RALYL: variants seen among roughly 807,000 people sequenced by gnomAD.
The protein encoded by RALYL is RNA-binding Raly-like protein.
Under a neutral mutation model 35.1 loss-of-function variants are expected in RALYL, and 29 were observed. That is an observed-to-expected ratio of 0.83 (90% CI 0.61 to 1.13). The LOEUF (loss-of-function observed/expected upper bound fraction) is 1.13. Ranked by LOEUF, RALYL falls within the 50% of genes most tolerant of loss-of-function variation. The pLI is 0.00. For missense variants in RALYL, 359 were observed against 360.4 expected (o/e 1.00, Z 0.03); for synonymous variants, 120 against 127.6 (o/e 0.94, Z 0.40).
chr8:84,640,405 C>A (rs182703560), intron 2 of RALYL, among the ~76,000 whole-genome samples: 59 of 151,930 alleles, frequency 3.9e-4, no homozygotes, highest in African/African-American at 1.3e-3. Flanking sequence ...TTTACATAAC[C>A]TGAAAATTAA....
At chr8:84,389,195 G>T (rs1401873606) in intron 1 of RALYL, among the ~76,000 whole-genome samples, 1 of 152,062 alleles carries the variant, frequency 6.6e-6, no homozygotes, top group African/African-American at 2.4e-5. Flanking sequence ...CTGTTCCATT[G>T]ATCTATATCT....
At chr8:84,839,115 G>A (rs1195250456) in intron 4 of RALYL, among the ~76,000 whole-genome samples, 1 of 152,234 alleles carries the variant, frequency 6.6e-6, no homozygotes, top group South Asian at 2.1e-4. Context: ...GTGTCAGAAA[G>A]TGGGTGCAGG....
chr8:84,731,403 C>T (rs574596868), intron 2 of RALYL, among the ~76,000 whole-genome samples: 3 of 152,172 alleles, frequency 2.0e-5, no homozygotes, highest in African/African-American at 4.8e-5. Context: ...AAAAATCTTC[C>T]TCTATTTTGG....
chr8:84,896,803 A>G (rs1233248225), intron 8 of RALYL, among the ~76,000 whole-genome samples: 1 of 152,240 alleles, frequency 6.6e-6, no homozygotes, highest in Non-Finnish European at 1.5e-5. Flanking sequence ...TTACCTGTAC[A>G]TAAGAGAGAA....
chr8:84,455,602 T>C (rs1260612000), intron 1 of RALYL, among the ~76,000 whole-genome samples: 1 of 152,014 alleles, frequency 6.6e-6, no homozygotes, highest in Non-Finnish European at 1.5e-5. Flanking sequence ...AAAATGAATT[T>C]AACCTAGACC....
chr8:84,274,084 C>T (rs1834875444), intron 1 of RALYL, among the ~76,000 whole-genome samples: 1 of 152,106 alleles, frequency 6.6e-6, no homozygotes, highest in Admixed American at 6.5e-5. Flanking sequence ...TGCCCCCAAA[C>T]TCTGGGGTCA....
chr8:84,337,752 C>T (rs1466270512), intron 1 of RALYL, among the ~76,000 whole-genome samples: 45 of 152,030 alleles, frequency 3.0e-4, no homozygotes, highest in Admixed American at 2.9e-3. Flanking sequence ...TTGACAGTTT[C>T]CTTACTTTTG....
chr8:84,329,975 G>A (rs1174792424), intron 1 of RALYL, among the ~76,000 whole-genome samples: 1 of 151,822 alleles, frequency 6.6e-6, no homozygotes, highest in Non-Finnish European at 1.5e-5. Context: ...AAACATGAAA[G>A]ACAAACTGGA....
At chr8:84,747,949 G>T (rs1351717683) in intron 2 of RALYL, among the ~76,000 whole-genome samples, 1 of 151,890 alleles carries the variant, frequency 6.6e-6, no homozygotes, top group Non-Finnish European at 1.5e-5. Context: ...GTTTCTATCT[G>T]CTTGTTCAAA....
chr8:84,250,455 T>A (rs1345397562), intron 1 of RALYL, among the ~76,000 whole-genome samples: 2 of 152,000 alleles, frequency 1.3e-5, no homozygotes, highest in Non-Finnish European at 2.9e-5. Flanking sequence ...AACCTCTGCC[T>A]CCTGGGTTCA....
At chr8:84,192,081 A>C (rs1214313841) in intron 1 of RALYL, among the ~76,000 whole-genome samples, 1 of 152,200 alleles carries the variant, frequency 6.6e-6, no homozygotes, top group African/African-American at 2.4e-5. Flanking sequence ...CCAATAGACA[A>C]CCTGACACTA....
In RALYL at chr8:84,594,715, T is replaced by C. The variant is rs76555009; in HGVS notation, c.256+65138T>C. Among the ~76,000 whole-genome samples, 163 of 152,230 alleles carry C rather than the reference T, an allele frequency of 1.1e-3. 1 individual carries two copies. The East Asian group carries it at 0.028, about 26-fold the overall frequency. ...TAGCATAGGAAAGGAGACATTTTCA[T>C]GTTAACGTGAATTTTTTTAACCTAA... is the stretch of plus-strand genomic sequence containing the variant. On this transcript the variant is annotated intron_variant, in intron 2 of 8. Transcript: ENST00000521268.
At chr8:84,349,596 C>T (rs1024125053) in intron 1 of RALYL, among the ~76,000 whole-genome samples, 1 of 150,278 alleles carries the variant, frequency 6.7e-6, no homozygotes, top group Non-Finnish European at 1.5e-5. Flanking sequence ...TCTCTCCCCC[C>T]ACCTACCCTT....
At chr8:84,681,480 G>C (rs1835480206) in intron 2 of RALYL, among the ~76,000 whole-genome samples, 1 of 152,174 alleles carries the variant, frequency 6.6e-6, no homozygotes, top group Non-Finnish European at 1.5e-5. Flanking sequence ...CATGAGCATG[G>C]AATGCCCTTC....
intron 2 of RALYL, among the ~76,000 whole-genome samples, chr8:84,586,769 TA>T (rs901787811): frequency 3.1e-4 from 47 of 151,344 alleles, no homozygotes; most frequent in Non-Finnish European, 5.3e-4. Flanking sequence ...CTTATTAAAT[TA>T]AAAAAAAAGT....
At chr8:84,857,109 C>A (rs572523543) in intron 5 of RALYL, among the ~76,000 whole-genome samples, 11 of 149,250 alleles carry the variant, frequency 7.4e-5, no homozygotes, top group Non-Finnish European at 1.0e-4. Flanking sequence ...AATGAATAGG[C>A]ACCTTACTTT....
chr8:84,400,269 G>A (rs2042755242), intron 1 of RALYL, among the ~76,000 whole-genome samples: 1 of 152,168 alleles, frequency 6.6e-6, no homozygotes, highest in African/African-American at 2.4e-5. Flanking sequence ...CAGAGTCTGA[G>A]GGTAATCTTA....
At chr8:84,286,312 C>A (rs565757925) in intron 1 of RALYL, among the ~76,000 whole-genome samples, 2 of 152,030 alleles carry the variant, frequency 1.3e-5, no homozygotes, top group Admixed American at 6.6e-5. Context: ...TTTGTGCAAG[C>A]GGAAATAAGA....
chr8:84,214,577 G>T (rs1292813747), intron 1 of RALYL, among the ~76,000 whole-genome samples: 1 of 151,938 alleles, frequency 6.6e-6, no homozygotes, highest in Non-Finnish European at 1.5e-5. Context: ...ACTGTGAGAG[G>T]CAATTTAATA....
Sources: allele counts gnomAD v4.1 joint callset (sites outside exome capture counted in the v4.1 genomes callset), GRCh38; gene constraint gnomAD v4.1.1; transcripts MANE v1.5; gene names NCBI Gene and HGNC (gene_info 2026-07-23, HGNC 2026-07-21).